Variants in TLR3 observed in about 807,000 individuals in gnomAD.
The protein encoded by TLR3 is toll like receptor 3, also known as toll-like receptor 3.
A neutral mutation model predicts 66.4 loss-of-function variants in TLR3; 43 were observed. That is an observed-to-expected ratio of 0.65 (90% CI 0.51 to 0.83). The LOEUF (loss-of-function observed/expected upper bound fraction) is 0.83, where lower values mean the gene tolerates loss of function less well. TLR3 is among the 40% of genes least tolerant of loss of function. TLR3 has a pLI of 0.00. For synonymous variants in TLR3, 397 were observed against 397.2 expected (o/e 1.00, Z 0.01); for missense variants, 982 against 1,044.6 (o/e 0.94, Z 0.83).
chr4:186,082,646 G>A lies in TLR3; in HGVS notation c.960G>A (p.Gly320=), dbSNP rs2099303730. ...IQHLFSHSLH[G]LFNVRYLNLK... is the part of the protein sequence containing the mutation. ...ATTTGTTTTCTCACTCTTTGCACGG[G>A]CTTTTCAATGTGAGGTACCTGAATT... The change falls in exon 4 of 5, where the codon GGG becomes GGA. Residue 320 remains glycine (G), a synonymous_variant. Transcript: ENST00000296795. 1.2e-6 allele frequency: 2 copies of A among 1,613,704 alleles called. No homozygotes were observed. The highest frequency in any genetic ancestry group is 2.2e-5 in the East Asian group (1 of 44,892).
chr4:186,081,177 G>A (rs925033212), intron 3 of TLR3, among the ~76,000 whole-genome samples: 4 of 151,578 alleles, frequency 2.6e-5, no homozygotes, highest in Non-Finnish European at 5.9e-5. Context: ...GCTGAGGCAA[G>A]AGAATCGCTT....
chr4:186,083,649 G>C lies in TLR3; in HGVS notation c.1963G>C (p.Ala655Pro). 6.3e-7 allele frequency: 1 copy of C among 1,597,638 alleles called. No homozygotes were observed. Among genetic ancestry groups the C allele is most frequent in the South Asian group, 1.1e-5 (1 of 87,800 alleles). The part of the protein sequence containing the change: ...NPFDCTCESI[A>P]WFVNWINETH... ...CTTTGATTGCACGTGTGAAAGTATT[G>C]CCTGGTTTGTTAATTGGATTAACGA... Residue 655 changes from alanine to proline, a missense_variant, in exon 4 of 5, where the codon GCC becomes CCC. Physicochemically the swap from Ala to Pro is conservative, Grantham distance 27. This residue lies in a region of TLR3 where 666 missense variants were observed against 709.0 expected (regional missense o/e 0.94). Transcript: ENST00000296795. The surrounding 1 kb of genome is among the most constrained non-coding windows in gnomAD (Gnocchi z 4.0).
At chr4:186,077,703 TATC>T (rs1357604393) in intron 2 of TLR3, among the ~76,000 whole-genome samples, 5 of 152,174 alleles carry the variant, frequency 3.3e-5, no homozygotes, top group Non-Finnish European at 7.4e-5. Flanking sequence ...TCAGGGTAAT[TATC>T]ATATCCATCA....
Position 186,083,127 on chromosome 4 carries a change from A to G in TLR3, c.1441A>G (p.Ser481Gly), listed in dbSNP as rs1340983939. Residue 481 changes from serine (S) to glycine (G), a missense_variant, in exon 4 of 5, where the codon AGC becomes GGC. Physicochemically the swap from Ser to Gly is moderately conservative, Grantham distance 56 (BLOSUM62 0). Coordinates refer to ENST00000296795, the MANE Select transcript of TLR3 (RefSeq NM_003265.3). This position sits in a 1 kb window ranked among gnomAD's most constrained non-coding sequence, Gnocchi z 4.0. ...LTRNSFALVP[S>G]LQRLMLRRVA... ...TAGGAACTCCTTTGCCTTGGTCCCA[A>G]GCCTTCAACGACTGATGCTCCGAAG... 2 of 1,614,194 alleles carry G rather than the reference A, an allele frequency of 1.2e-6. No homozygotes were observed. The highest frequency in any genetic ancestry group is 3.3e-5 in the Admixed American group (2 of 60,022).
intron 1 of TLR3, among the ~76,000 whole-genome samples, chr4:186,070,945 G>A (rs534374103): frequency 6.6e-6 from 1 of 152,224 alleles, no homozygotes; most frequent in South Asian, 2.1e-4. Context: ...ATCTCCTTCT[G>A]CCTACACCTT....
At chr4:186,078,759 ATTTT>A in intron 2 of TLR3, 77 bp from the exon 3 acceptor site, 1 of 1,185,946 alleles carries the variant, frequency 8.4e-7, no homozygotes, top group Non-Finnish European at 1.2e-6. Context: ...CTGTTGAAGT[ATTTT>A]TCAGATGTAC....
chr4:186,070,181 G>A (rs1463548635), intron 1 of TLR3, among the ~76,000 whole-genome samples: 3 of 151,956 alleles, frequency 2.0e-5, no homozygotes, highest in East Asian at 1.9e-4. Flanking sequence ...CAACAGCAAC[G>A]TTTTCTTCAC....
chr4:186,079,180 C>G (rs2099302982), intron 3 of TLR3, 149 bp downstream of exon 3: 2 of 786,942 alleles, frequency 2.5e-6, no homozygotes, highest in East Asian at 5.4e-5. Context: ...TTGGTGTCAT[C>G]CTCCTGAGAG....
rs115677523 is a variant in TLR3 at position 186,084,714 on chromosome 4, T to G, written c.2556T>G (p.Leu852=). 1,533 of 1,614,070 alleles carry G rather than the reference T, an allele frequency of 9.5e-4. 9 individuals carry two copies. In the African/African-American group the frequency reaches 0.018, roughly 19 times the overall value. Residue 852 remains leucine (L), a synonymous_variant, in exon 5 of 5, where the codon CTT becomes CTG. Transcript: ENST00000296795. ...QNLDSIILVF[L]EEIPDYKLNH... Reference sequence around the variant, plus strand: ...TGGATTCCATTATATTGGTTTTCCTTGAGGAGATTCCAGATTATAAACTGA... The same window carrying G: ...TGGATTCCATTATATTGGTTTTCCTGGAGGAGATTCCAGATTATAAACTGA...
chr4:186,084,005 TTTCTC>T lies in TLR3; in HGVS notation c.2323_2327del (p.Ser775AsnfsTer18). 6.2e-7 allele frequency: 1 copy of T among 1,614,156 alleles called. No individual in the cohort carries two copies. Among genetic ancestry groups the T allele is most frequent in the Non-Finnish European group, 8.5e-7 (1 of 1,180,028 alleles). On this transcript the variant is annotated frameshift_variant, in exon 4 of 5. Transcript: ENST00000296795. LOFTEE classifies it high-confidence loss of function. ...AAGATAAGGATTGGGTCTGGGAACA[TTTCTC>T]TTCAATGGAAAAGGAAGACCAATCT...
At chr4:186,079,096 C>CAG in intron 3 of TLR3, 65 bp downstream of exon 3, 3 of 1,355,162 alleles carry the variant, frequency 2.2e-6, no homozygotes, top group African/African-American at 1.4e-5. Flanking sequence ...ATCTGTGTCA[C>CAG]ATACACAGGA....
chr4:186,084,018 G>T lies in TLR3; in HGVS notation c.2332G>T (p.Glu778Ter). 6.2e-7 allele frequency: 1 copy of T among 1,614,124 alleles called. No individual in the cohort carries two copies. The highest frequency in any genetic ancestry group is 1.1e-5 in the South Asian group (1 of 91,072). The stretch of plus-strand genomic sequence containing the variant: ...GGTCTGGGAACATTTCTCTTCAATG[G>T]AAAAGGAAGACCAATCTCTCAAATT... ...DWVWEHFSSMEKEDQSLKFCL... is the reference protein window; with the variant it reads ...DWVWEHFSSM Residue 778 changes from glutamate (E) to a stop codon, truncating the protein, a stop_gained, in exon 4 of 5, where the codon GAA becomes TAA. Coordinates refer to ENST00000296795, the MANE Select transcript of TLR3 (RefSeq NM_003265.3). LOFTEE classifies it high-confidence loss of function.
At position 186,083,848 on chromosome 4, in the gene TLR3, T is replaced by A. The variant is rs995184013; in HGVS notation, c.2162T>A (p.Leu721His). The change falls in exon 4 of 5, where the codon CTT (leucine) becomes CAT (histidine). Residue 721 changes from leucine to histidine, a missense_variant. Around this residue, in one of 3 missense-constraint regions of TLR3, gnomAD observed 666 missense variants for 709.0 expected, o/e 0.94. Transcript: ENST00000296795. This position sits in a 1 kb window ranked among gnomAD's most constrained non-coding sequence, Gnocchi z 4.0. The part of the protein sequence containing the change: ...SILLIFIFIV[L>H]LIHFEGWRIS... Reference sequence around the variant, plus strand: ...CTGTTGATTTTTATCTTTATTGTACTTCTCATCCACTTTGAGGGCTGGAGG... The same window carrying A: ...CTGTTGATTTTTATCTTTATTGTACATCTCATCCACTTTGAGGGCTGGAGG... The A allele has an allele frequency of 1.2e-6, 2 of 1,614,166 alleles. No homozygotes were observed. The highest frequency in any genetic ancestry group is 1.7e-6 in the Non-Finnish European group (2 of 1,180,026).
At chr4:186,076,340 T>TTGTAA in intron 1 of TLR3, among the ~76,000 whole-genome samples, 1 of 152,294 alleles carries the variant, frequency 6.6e-6, no homozygotes, top group South Asian at 2.1e-4. Flanking sequence ...AGATAGAACC[T>TTGTAA]ATCAAAAGAG....
At position 186,082,907 on chromosome 4, in the gene TLR3, T is replaced by A; in HGVS notation, c.1221T>A (p.Ser407=). ...AAACATTTGTATCACTTGCTCATTCTCCCTTACACATACTCAACCTAACCA... is the reference window on the plus strand; with the variant it reads ...AAACATTTGTATCACTTGCTCATTCACCCTTACACATACTCAACCTAACCA... ...TNETFVSLAH[S]PLHILNLTKN... is the part of the protein sequence containing the mutation. Residue 407 remains serine, a synonymous_variant, in exon 4 of 5, where the codon TCT becomes TCA. Coordinates refer to ENST00000296795, the MANE Select transcript of TLR3 (RefSeq NM_003265.3). 6.2e-7 allele frequency: 1 copy of A among 1,614,060 alleles called. No individual in the cohort carries two copies. Among genetic ancestry groups the A allele is most frequent in the Non-Finnish European group, 8.5e-7 (1 of 1,180,000 alleles).
chr4:186,072,535 T>C (rs564832406), intron 1 of TLR3, among the ~76,000 whole-genome samples: 27 of 152,326 alleles, frequency 1.8e-4, no homozygotes, highest in African/African-American at 5.8e-4. Flanking sequence ...GGTCTCAAAC[T>C]CCTGACCTCA....
Position 186,077,293 on chromosome 4 carries a change from C to T in TLR3, c.441+233C>T, listed in dbSNP as rs183673473. Among the ~76,000 whole-genome samples the T allele has an allele frequency of 3.0e-4, 46 of 152,236 alleles. No homozygotes were observed. In the East Asian group the frequency reaches 7.3e-3, roughly 24 times the overall value. On this transcript the variant is annotated intron_variant, in intron 2 of 4. Transcript: ENST00000296795. ...TCGCTTTCTCCCATTAGAAATAGAA[C>T]TTAGACGCAAGAGATAGAAGTAATG...
intron 1 of TLR3, among the ~76,000 whole-genome samples, chr4:186,070,750 C>A (rs1304762088): frequency 6.6e-6 from 1 of 152,162 alleles, no homozygotes; most frequent in Non-Finnish European, 1.5e-5. Flanking sequence ...GTTGCCCAGG[C>A]TGGAGTGCAG....
At chr4:186,082,224 CAAAAAAAAAAAAAAAAAAA>C in intron 3 of TLR3, 77 bp from the exon 4 acceptor site, 4 of 378,454 alleles carry the variant, frequency 1.1e-5, no homozygotes, top group East Asian at 6.3e-5. Flanking sequence ...GACTCCGTCT[CAAAAAAAAAAAAAAAAAAA>C]AAAAAAAAGG....
Sources: allele counts gnomAD v4.1 joint callset (sites outside exome capture counted in the v4.1 genomes callset), GRCh38; gene constraint gnomAD v4.1.1; regional missense constraint gnomAD v4.1.1; non-coding constraint Gnocchi (gnomAD v3.1); transcripts MANE v1.5; gene names NCBI Gene and HGNC (gene_info 2026-07-23, HGNC 2026-07-21).